Variants in CCDC3 observed in about 807,000 individuals in gnomAD.
CCDC3 encodes coiled-coil domain-containing protein 3.
A neutral mutation model predicts 21.4 loss-of-function variants in CCDC3; 24 were observed. The observed-to-expected ratio is 1.12, with a 90% CI of 0.81 to 1.58. The LOEUF is 1.58. Among genes scored for constraint, CCDC3 ranks in the 40% most tolerant of loss-of-function variants. The probability of loss-of-function intolerance (pLI) is 0.00; values close to 1 mark genes in which losing one functional copy is unlikely to be tolerated. For missense variants in CCDC3, 425 were observed against 360.9 expected (o/e 1.18, Z -1.44); for synonymous variants, 186 against 166.0 (o/e 1.12, Z -0.93).
At chr10:13,041,388 T>A (rs1335846745) in intron 5 of CCDC3, among the ~76,000 whole-genome samples, 2 of 152,254 alleles carry the variant, frequency 1.3e-5, no homozygotes, top group Non-Finnish European at 2.9e-5. Context: ...TTTATGTGAA[T>A]GTTTATTTAT....
chr10:12,954,462 G>C (rs189528050), intron 2 of CCDC3, among the ~76,000 whole-genome samples: 2 of 152,310 alleles, frequency 1.3e-5, no homozygotes, highest in East Asian at 3.9e-4. Context: ...AAAGAAAAGA[G>C]GTTTATTTGG....
At chr10:12,948,197 T>A (rs770395898) in intron 2 of CCDC3, among the ~76,000 whole-genome samples, 1 of 152,198 alleles carries the variant, frequency 6.6e-6, no homozygotes, top group Non-Finnish European at 1.5e-5. Flanking sequence ...CTCTCTTGCC[T>A]GCCACCACAT....
chr10:13,053,749 C>T (rs957383528), intron 4 of CCDC3, among the ~76,000 whole-genome samples: 12 of 152,114 alleles, frequency 7.9e-5, no homozygotes, highest in East Asian at 1.9e-4. Flanking sequence ...CCAAAATGGA[C>T]GAGCTGCCTC....
chr10:12,927,710 G>A (rs7076636), intron 2 of CCDC3, among the ~76,000 whole-genome samples: 2 of 152,066 alleles, frequency 1.3e-5, no homozygotes, highest in Non-Finnish European at 2.9e-5. Context: ...CCCAAAACAC[G>A]CTAAAGGGAT....
At chr10:12,902,340 T>G (rs1834107913) in intron 2 of CCDC3, among the ~76,000 whole-genome samples, 1 of 152,144 alleles carries the variant, frequency 6.6e-6, no homozygotes, top group Non-Finnish European at 1.5e-5. Context: ...GATGAGAAGG[T>G]GGGCATGAGA....
At chr10:12,983,668 CA>C (rs34200519) in intron 2 of CCDC3, among the ~76,000 whole-genome samples, 78,622 of 134,786 alleles carry the variant, frequency 0.58, 21,189 homozygotes, top group East Asian at 0.74. Context: ...AAAGAAGTGG[CA>C]AAAAAAAAAA....
intron 4 of CCDC3, among the ~76,000 whole-genome samples, chr10:13,069,372 A>G (rs578251807): frequency 1.3e-4 from 20 of 152,372 alleles, no homozygotes; most frequent in African/African-American, 4.1e-4. Flanking sequence ...AAAGCACAAC[A>G]AGGTACTCTT....
intron 2 of CCDC3, among the ~76,000 whole-genome samples, chr10:12,974,598 G>T (rs1289884833): frequency 6.6e-6 from 1 of 152,208 alleles, no homozygotes; most frequent in South Asian, 2.1e-4. Flanking sequence ...GGGAAGCAGA[G>T]GTGTGGAGCA....
intron 2 of CCDC3, among the ~76,000 whole-genome samples, chr10:12,949,809 C>T (rs534275756): frequency 4.6e-5 from 7 of 152,178 alleles, no homozygotes; most frequent in Non-Finnish European, 1.0e-4. Context: ...GCAATCATGA[C>T]TTCTAAGGAA....
intron 2 of CCDC3, among the ~76,000 whole-genome samples, chr10:12,970,496 T>G: frequency 6.6e-6 from 1 of 152,196 alleles, no homozygotes; most frequent in Non-Finnish European, 1.5e-5. Flanking sequence ...TTAATTAGCT[T>G]GATGTAGCCA....
intron 4 of CCDC3, among the ~76,000 whole-genome samples, chr10:13,071,849 T>C (rs1836885909): frequency 6.6e-6 from 1 of 152,120 alleles, no homozygotes; most frequent in Admixed American, 6.5e-5. Flanking sequence ...AAAAACACCT[T>C]CTTTTTCCTT....
At chr10:12,974,658 G>A (rs1233505867) in intron 2 of CCDC3, among the ~76,000 whole-genome samples, 1 of 152,168 alleles carries the variant, frequency 6.6e-6, no homozygotes, top group Non-Finnish European at 1.5e-5. Context: ...CGAGGGCTGA[G>A]CCCACAGCCA....
chr10:12,956,298 A>G (rs1835084652), intron 2 of CCDC3, among the ~76,000 whole-genome samples: 1 of 152,172 alleles, frequency 6.6e-6, no homozygotes, highest in African/African-American at 2.4e-5. Flanking sequence ...AGCTAGGCCA[A>G]TTACACTCTT....
At chr10:13,092,209 T>G (rs1484632628) in intron 3 of CCDC3, among the ~76,000 whole-genome samples, 1 of 152,184 alleles carries the variant, frequency 6.6e-6, no homozygotes, top group Non-Finnish European at 1.5e-5. Context: ...GGAACCAAGG[T>G]AGACAGGAAA....
intron 5 of CCDC3, among the ~76,000 whole-genome samples, chr10:13,026,288 G>T (rs1836214372): frequency 6.6e-6 from 1 of 152,196 alleles, no homozygotes; most frequent in Admixed American, 6.5e-5. Context: ...ATAATTAGGT[G>T]TGGCCTGAAA....
At chr10:12,921,868 G>C (rs994819654) in intron 2 of CCDC3, among the ~76,000 whole-genome samples, 2 of 152,170 alleles carry the variant, frequency 1.3e-5, no homozygotes, top group East Asian at 1.9e-4. Flanking sequence ...TCAGCCTTCC[G>C]AGTAGATAGG....
At chr10:12,966,278 G>GGT (rs1385201578) in intron 2 of CCDC3, among the ~76,000 whole-genome samples, 5 of 151,798 alleles carry the variant, frequency 3.3e-5, no homozygotes, top group African/African-American at 7.3e-5. Flanking sequence ...ATTACTATAT[G>GGT]AGCAAGGTTG....
At chr10:12,978,042 G>A (rs527329053) in intron 2 of CCDC3, among the ~76,000 whole-genome samples, 2 of 150,066 alleles carry the variant, frequency 1.3e-5, no homozygotes, top group South Asian at 2.1e-4. Flanking sequence ...TTCTTGAGAT[G>A]GAATTTCACT....
At chr10:13,018,658 C>A (rs1836102866) in intron 5 of CCDC3, among the ~76,000 whole-genome samples, 1 of 152,086 alleles carries the variant, frequency 6.6e-6, no homozygotes. Flanking sequence ...AGGCCGGGCA[C>A]AGTGGCTCAT....
Sources: gnomAD v4.1 joint callset for allele counts (sites outside exome capture counted in the v4.1 genomes callset) on GRCh38, gnomAD v4.1.1 for gene constraint, MANE v1.5 for transcripts, NCBI Gene and HGNC (gene_info 2026-07-23, HGNC 2026-07-21) for gene names.